DCPS: variants seen among roughly 807,000 people sequenced by gnomAD.
DCPS encodes the protein decapping enzyme, scavenger, also known as m7GpppX diphosphatase.
In DCPS, 27 loss-of-function variants were observed where a neutral mutation model predicts 34.7. That is an observed-to-expected ratio of 0.78 (90% confidence interval 0.57 to 1.07). The LOEUF (loss-of-function observed/expected upper bound fraction) is 1.07. DCPS is among the 50% of genes least tolerant of loss of function. DCPS has a pLI of 0.00. For missense variants in DCPS, 464 were observed against 436.9 expected (o/e 1.06, Z -0.55); for synonymous variants, 185 against 185.7 (o/e 1.00, Z 0.03).
rs986689490 is a variant in DCPS at position 126,342,845 on chromosome 11, C to T, written c.637-462C>T. On this transcript the variant is annotated intron_variant, in intron 4 of 5. Transcript: ENST00000263579. The surrounding 1 kb of genome is among the most constrained non-coding windows in gnomAD (Gnocchi z 4.4). ...CTGTAATCCCAGCACTTTGGGAGGC[C>T]GAGGCAGGCGGATCATGAAGTCAGG... Among the ~76,000 whole-genome samples the T allele has an allele frequency of 5.9e-5, 9 of 152,056 alleles. No individual in the cohort carries two copies. Among genetic ancestry groups the T allele is most frequent in the East Asian group, 5.8e-4 (3 of 5,168 alleles).
rs1229980101 is a variant in DCPS at position 126,347,223 on chromosome 11, C to CTTT, written c.*1628_*1630dup. Among the ~76,000 whole-genome samples the CTTT allele has an allele frequency of 5.7e-5, 7 of 122,748 alleles. No individual in the cohort carries two copies. Among genetic ancestry groups the CTTT allele is most frequent in the Non-Finnish European group, 1.0e-4 (6 of 59,106 alleles). 80.5% of individuals were successfully genotyped at this position (122,748 alleles called of 152,430 possible). On this transcript the variant is annotated 3_prime_UTR_variant, in exon 6 of 6. Transcript: ENST00000263579. The surrounding 1 kb of genome is among the most constrained non-coding windows in gnomAD (Gnocchi z 4.2). ...CACTCAGCCATTCTTCCCTGCAGCT[C>CTTT]TTTTTTTTTTTTTTTTTTTTGAGAC...
At chr11:126,306,355 A>G (rs1385599057) in intron 1 of DCPS, among the ~76,000 whole-genome samples, 4 of 152,050 alleles carry the variant, frequency 2.6e-5, no homozygotes, top group African/African-American at 7.2e-5. Context: ...TCCGGGCAAC[A>G]GAGCAACACT....
rs1951714098 is a variant in DCPS, at chr11:126,322,378, C to T, written c.377-9027C>T. On this transcript the variant is annotated intron_variant, in intron 2 of 5. Coordinates refer to ENST00000263579, the MANE Select transcript of DCPS (RefSeq NM_014026.6). This position sits in a 1 kb window ranked among gnomAD's most constrained non-coding sequence, Gnocchi z 4.2. ...TCCTGGGTTCAAGCAATTCTCCTGT[C>T]TCATTCTCTCTAGTAGCTGGGATTA... Among the ~76,000 whole-genome samples, 5 of 152,020 alleles carry T rather than the reference C, an allele frequency of 3.3e-5. No homozygotes were observed. Among genetic ancestry groups the T allele is most frequent in the Admixed American group, 3.3e-4 (5 of 15,264 alleles).
Position 126,304,113 on chromosome 11 carries a change from G to A in DCPS, c.33G>A (p.Arg11=), listed in dbSNP as rs554430727. Reference sequence around the variant, plus strand: ...ACGCAGCTCCTCAACTAGGCAAGAGGAAGCGCGAATTGGACGTGGAGGAGG... The same window carrying A: ...ACGCAGCTCCTCAACTAGGCAAGAGAAAGCGCGAATTGGACGTGGAGGAGG... MADAAPQLGK[R]KRELDVEEAH... Residue 11 remains arginine (R), a synonymous_variant, in exon 1 of 6, where the codon AGG becomes AGA. Transcript: ENST00000263579. 135 of 1,613,268 alleles carry A rather than the reference G, an allele frequency of 8.4e-5. 1 individual carries two copies. In the South Asian group the frequency reaches 1.4e-3, roughly 17 times the overall value.
chr11:126,328,550 C>G lies in DCPS; in HGVS notation c.377-2855C>G, dbSNP rs1202476736. 6.6e-6 allele frequency among the ~76,000 whole-genome samples: 1 copy of G among 152,130 alleles called. No individual in the cohort carries two copies. The highest frequency in any genetic ancestry group is 2.4e-5 in the African/African-American group (1 of 41,432). ...TGGGTGAGACGCCAGTTTCCCTGCA[C>G]CCTGGGTGGCTGGGGCAGGTCTCCC... On this transcript the variant is annotated intron_variant, in intron 2 of 5. Transcript: ENST00000263579. This position sits in a 1 kb window ranked among gnomAD's most constrained non-coding sequence, Gnocchi z 6.6.
In DCPS at chr11:126,323,451, T is replaced by G. The variant is rs1182528740; in HGVS notation, c.377-7954T>G. 6.6e-6 allele frequency among the ~76,000 whole-genome samples: 1 copy of G among 152,212 alleles called. No individual in the cohort carries two copies. The highest frequency in any genetic ancestry group is 1.5e-5 in the Non-Finnish European group (1 of 68,028). ...TTTCAAAGCAGGTGTACTTTAATGG[T>G]TAAAAAAATACACATGATGCAGAAA... On this transcript the variant is annotated intron_variant, in intron 2 of 5. Coordinates refer to ENST00000263579, the MANE Select transcript of DCPS (RefSeq NM_014026.6). The surrounding 1 kb of genome is among the most constrained non-coding windows in gnomAD (Gnocchi z 4.4).
chr11:126,306,109 A>C (rs1591379566), intron 1 of DCPS, among the ~76,000 whole-genome samples: 1 of 152,158 alleles, frequency 6.6e-6, no homozygotes, highest in East Asian at 1.9e-4. Context: ...ATGGTGGCTC[A>C]CACCTGTAAT....
Position 126,347,754 on chromosome 11 carries a change from C to G in DCPS, c.*2141C>G, listed in dbSNP as rs1472700523. ...GTTGGATGGAGGTCTTCTCCCAGAG[C>G]AGTGTCCAGCTTGCAGGAATGCTCC... On this transcript the variant is annotated 3_prime_UTR_variant, in exon 6 of 6. Transcript: ENST00000263579. This position sits in a 1 kb window ranked among gnomAD's most constrained non-coding sequence, Gnocchi z 4.2. Among the ~76,000 whole-genome samples the G allele has an allele frequency of 6.6e-6, 1 of 152,232 alleles. No homozygotes were observed. Among genetic ancestry groups the G allele is most frequent in the Non-Finnish European group, 1.5e-5 (1 of 68,026 alleles).
Position 126,322,046 on chromosome 11 carries a change from A to C in DCPS, c.377-9359A>C. Among the ~76,000 whole-genome samples, 1 of 152,202 alleles carries C rather than the reference A, an allele frequency of 6.6e-6. No homozygotes were observed. The highest frequency in any genetic ancestry group is 1.9e-4 in the East Asian group (1 of 5,198). ...GAGAAAATGAAGAAGAAAGGTCTTT[A>C]AAGAAATAATTCAAGACAGTTTCCC... is the stretch of plus-strand genomic sequence containing the variant. On this transcript the variant is annotated intron_variant, in intron 2 of 5. Transcript: ENST00000263579. This position sits in a 1 kb window ranked among gnomAD's most constrained non-coding sequence, Gnocchi z 4.2.
At chr11:126,305,355 T>C (rs1279532321) in intron 1 of DCPS, among the ~76,000 whole-genome samples, 1 of 149,686 alleles carries the variant, frequency 6.7e-6, no homozygotes, top group African/African-American at 2.5e-5. Context: ...CCTCAGGTGA[T>C]CCGCCTGCCT....
Position 126,338,539 on chromosome 11 carries a change from T to TG in DCPS, c.636+144dup, listed in dbSNP as rs1951853120. 4.0e-6 allele frequency: 3 copies of TG among 754,836 alleles called. No individual in the cohort carries two copies. The highest frequency in any genetic ancestry group is 3.5e-5 in the African/African-American group (2 of 57,826). 46.8% of individuals were successfully genotyped at this position (754,836 alleles called of 1,614,324 possible). A position where few individuals can be genotyped will look rare whatever the true frequency, so the allele number is the denominator to read the frequency against. On this transcript the variant is annotated intron_variant, in intron 4 of 5. Coordinates refer to ENST00000263579, the MANE Select transcript of DCPS (RefSeq NM_014026.6). The surrounding 1 kb of genome is among the most constrained non-coding windows in gnomAD (Gnocchi z 5.4). ...AACAAGGGTTGGCCTGAGCTCTCTG[T>TG]GGGGACTGGGTGGATACCTGTCATA...
At chr11:126,330,668 G>A (rs779188884) in intron 2 of DCPS, among the ~76,000 whole-genome samples, 9 of 131,354 alleles carry the variant, frequency 6.9e-5, no homozygotes, top group Non-Finnish European at 1.2e-4. Context: ...CATCATTAAG[G>A]GGACTACTGG....
chr11:126,343,964 T>G (rs1246963208), intron 5 of DCPS, among the ~76,000 whole-genome samples: 1 of 152,040 alleles, frequency 6.6e-6, no homozygotes, highest in Non-Finnish European at 1.5e-5. Flanking sequence ...GTCTAGAATC[T>G]TGGGTGTGGT....
rs375792356 is a variant in DCPS, at chr11:126,342,984, C to T, written c.637-323C>T. ...ACTTGGGAGGCTGAGGCAGAAGAATCGCTTGAACCCAGGAGGCGGAGGTTG... is the reference window on the plus strand; with the variant it reads ...ACTTGGGAGGCTGAGGCAGAAGAATTGCTTGAACCCAGGAGGCGGAGGTTG... On this transcript the variant is annotated intron_variant, in intron 4 of 5. Coordinates refer to ENST00000263579, the MANE Select transcript of DCPS (RefSeq NM_014026.6). This position sits in a 1 kb window ranked among gnomAD's most constrained non-coding sequence, Gnocchi z 4.4. Among the ~76,000 whole-genome samples, 63 of 149,856 alleles carry T rather than the reference C, an allele frequency of 4.2e-4. No homozygotes were observed. Among genetic ancestry groups the T allele is most frequent in the Non-Finnish European group, 8.0e-4 (54 of 67,718 alleles).
rs535594859 is a variant in DCPS, at chr11:126,332,765, T to G, written c.522+1215T>G. Among the ~76,000 whole-genome samples the G allele has an allele frequency of 6.6e-6, 1 of 152,178 alleles. No homozygotes were observed. The highest frequency in any genetic ancestry group is 1.9e-4 in the East Asian group (1 of 5,180). ...GGTGCATCTGGCTCAAGCTGACTTG[T>G]TTGTTGTTGTTGTTGTTGTTTGTTT... is the stretch of plus-strand genomic sequence containing the variant. On this transcript the variant is annotated intron_variant, in intron 3 of 5. Coordinates refer to ENST00000263579, the MANE Select transcript of DCPS (RefSeq NM_014026.6). This position sits in a 1 kb window ranked among gnomAD's most constrained non-coding sequence, Gnocchi z 5.4.
At position 126,327,649 on chromosome 11, in the gene DCPS, G is replaced by GT. The variant is rs149591666; in HGVS notation, c.377-3750dup. On this transcript the variant is annotated intron_variant, in intron 2 of 5. Transcript: ENST00000263579. The surrounding 1 kb of genome is among the most constrained non-coding windows in gnomAD (Gnocchi z 4.1). ...ATTGAGGTAAACACCAGCGTTCATT[G>GT]TTTTTTGGCTGCCATCGTAAACCTT... Among the ~76,000 whole-genome samples the GT allele has an allele frequency of 0.24, 37,121 of 152,076 alleles. 4,561 individuals are homozygous for GT. Among genetic ancestry groups the GT allele is most frequent in the Admixed American group, 0.26 (4,021 of 15,274 alleles).
Position 126,329,420 on chromosome 11 carries a change from C to T in DCPS, c.377-1985C>T, listed in dbSNP as rs778047966. ...AGGTGAGGAAGCCAAGGCTCTAAGACGTTAAGCCCCATGCCCAAGGGTACA... is the reference window on the plus strand; with the variant it reads ...AGGTGAGGAAGCCAAGGCTCTAAGATGTTAAGCCCCATGCCCAAGGGTACA... On this transcript the variant is annotated intron_variant, in intron 2 of 5. Transcript: ENST00000263579. The surrounding 1 kb of genome is among the most constrained non-coding windows in gnomAD (Gnocchi z 5.0). 5.9e-5 allele frequency among the ~76,000 whole-genome samples: 9 copies of T among 152,214 alleles called. No individual in the cohort carries two copies. Among genetic ancestry groups the T allele is most frequent in the South Asian group, 2.1e-4 (1 of 4,836 alleles).
In DCPS at chr11:126,336,092, G is replaced by A. The variant is rs1259481822; in HGVS notation, c.523-2194G>A. Among the ~76,000 whole-genome samples the A allele has an allele frequency of 6.7e-6, 1 of 148,604 alleles. No homozygotes were observed. The highest frequency in any genetic ancestry group is 6.8e-5 in the Admixed American group (1 of 14,758). Reference sequence around the variant, plus strand: ...AATCACGCCACTGCACTCTAGTCTGGGCGAAAGAGCAAGACTCCATCTCAA... The same window carrying A: ...AATCACGCCACTGCACTCTAGTCTGAGCGAAAGAGCAAGACTCCATCTCAA... On this transcript the variant is annotated intron_variant, in intron 3 of 5. Transcript: ENST00000263579. This position sits in a 1 kb window ranked among gnomAD's most constrained non-coding sequence, Gnocchi z 6.3.
intron 2 of DCPS, among the ~76,000 whole-genome samples, chr11:126,318,982 C>G (rs1193522337): frequency 2.0e-5 from 3 of 152,204 alleles, no homozygotes; most frequent in African/African-American, 7.2e-5. Context: ...CCTCCCACCT[C>G]TGAGAGCAGT....
Sources: allele counts gnomAD v4.1 joint callset (sites outside exome capture counted in the v4.1 genomes callset), GRCh38; gene constraint gnomAD v4.1.1; non-coding constraint Gnocchi (gnomAD v3.1); transcripts MANE v1.5; gene names NCBI Gene and HGNC (gene_info 2026-07-23, HGNC 2026-07-21).